TECRL: variants seen among roughly 807,000 people sequenced by gnomAD.
TECRL encodes trans-2,3-enoyl-CoA reductase-like.
A neutral mutation model predicts 52.8 loss-of-function variants in TECRL; 63 were observed. The observed-to-expected ratio is 1.19, with a 90% confidence interval of 0.97 to 1.47. The LOEUF (loss-of-function observed/expected upper bound fraction) is 1.47, where lower values mean the gene tolerates loss of function less well. Among genes scored for constraint, TECRL ranks in the 40% most tolerant of loss-of-function variants. The pLI is 0.00. For synonymous variants in TECRL, 164 were observed against 141.9 expected, an observed-to-expected ratio of 1.16 and a Z score of -1.10; for missense variants, 482 against 429.6, an observed-to-expected ratio of 1.12 and a Z score of -1.08.
chr4:64,313,776 G>A (rs886276116), intron 5 of TECRL, among the ~76,000 whole-genome samples: 1 of 149,922 alleles, frequency 6.7e-6, no homozygotes, highest in Non-Finnish European at 1.5e-5. Flanking sequence ...CCACCAGCAC[G>A]GCTGCCTTAC....
chr4:64,298,951 T>A (rs1376150037), intron 8 of TECRL: 1 of 151,186 alleles, frequency 6.6e-6, no homozygotes, highest in East Asian at 1.9e-4. Context: ...AATCACAGAA[T>A]TCCTCTCCTT....
At chr4:64,390,990 T>C (rs1271965473) in intron 1 of TECRL, among the ~76,000 whole-genome samples, 3 of 151,888 alleles carry the variant, frequency 2.0e-5, no homozygotes, top group Non-Finnish European at 4.4e-5. Context: ...CAATTATTTC[T>C]GCATCATTGG....
chr4:64,296,621 G>T (rs1285121252), intron 8 of TECRL, among the ~76,000 whole-genome samples: 1 of 151,690 alleles, frequency 6.6e-6, no homozygotes, highest in Admixed American at 6.6e-5. Context: ...CAAAGAATTG[G>T]CAAACTTTAA....
In TECRL at chr4:64,283,404, G is replaced by A. The variant is rs1722927108; in HGVS notation, c.833-1845C>T. Among the ~76,000 whole-genome samples the A allele has an allele frequency of 2.0e-5, 3 of 152,196 alleles. No individual in the cohort carries two copies. In the South Asian group the frequency reaches 6.2e-4, roughly 32 times the overall value. ...AGTTGAATGACTTACCAAAAGGCCT[G>A]CAATGAGTACTCCATAGCTGATGGT... On this transcript the variant is annotated intron_variant, in intron 9 of 11. Transcript: ENST00000381210.
chr4:64,388,359 T>C (rs1723321137), intron 1 of TECRL, among the ~76,000 whole-genome samples: 1 of 151,902 alleles, frequency 6.6e-6, no homozygotes, highest in African/African-American at 2.4e-5. Context: ...TTGTGGGTTT[T>C]CAATTCTGTA....
At chr4:64,337,976 C>A (rs1441357162) in intron 2 of TECRL, among the ~76,000 whole-genome samples, 2 of 152,142 alleles carry the variant, frequency 1.3e-5, no homozygotes, top group African/African-American at 4.8e-5. Context: ...ATTGCCAAGA[C>A]AATCCTAAGC....
At chr4:64,371,509 G>A (rs1028234556) in intron 2 of TECRL, among the ~76,000 whole-genome samples, 1 of 151,198 alleles carries the variant, frequency 6.6e-6, no homozygotes, top group Non-Finnish European at 1.5e-5. Flanking sequence ...ACAATAATTC[G>A]TGCTGCAGTT....
At chr4:64,375,108 A>C (rs1323606840) in intron 2 of TECRL, 64 bp downstream of exon 2, 10 of 863,246 alleles carry the variant, frequency 1.2e-5, no homozygotes, top group Non-Finnish European at 1.7e-5. Context: ...ACTTATAGAA[A>C]AATTTAAACC....
chr4:64,384,055 G>A (rs1423196097), intron 1 of TECRL, among the ~76,000 whole-genome samples: 1 of 152,174 alleles, frequency 6.6e-6, no homozygotes, highest in Non-Finnish European at 1.5e-5. Flanking sequence ...GGTGAAGGCT[G>A]TGGTGAGGCT....
chr4:64,297,922 C>A (rs1008947920), intron 8 of TECRL, among the ~76,000 whole-genome samples: 1 of 151,008 alleles, frequency 6.6e-6, no homozygotes, highest in African/African-American at 2.4e-5. Flanking sequence ...TCAGGACTAA[C>A]AGGTCTTCTT....
rs777171822 is a variant in TECRL, at chr4:64,345,907, C to CAAAA, written c.287-17355_287-17352dup. On this transcript the variant is annotated intron_variant, in intron 2 of 11. Transcript: ENST00000381210. ...CCAACACTGATGGGTGCCTCAACAG[C>CAAAA]AAAAAAAAAAAAAAAAAAAAAAAAC... 3.0e-4 allele frequency among the ~76,000 whole-genome samples: 7 copies of CAAAA among 23,348 alleles called. 2 individuals carry two copies. The highest frequency in any genetic ancestry group is 9.0e-4 in the Admixed American group (1 of 1,114). The allele number at this position is 23,348 out of a possible 152,430, so 15.3% of individuals were successfully genotyped here. A position where few individuals can be genotyped will look rare whatever the true frequency, so the allele number is the denominator to read the frequency against.
chr4:64,359,989 T>C (rs1453971747), intron 2 of TECRL, among the ~76,000 whole-genome samples: 1 of 152,192 alleles, frequency 6.6e-6, no homozygotes, highest in African/African-American at 2.4e-5. Flanking sequence ...AAAGACCTTT[T>C]AGTGAAACTG....
At chr4:64,387,603 A>C (rs1227571218) in intron 1 of TECRL, among the ~76,000 whole-genome samples, 1 of 152,062 alleles carries the variant, frequency 6.6e-6, no homozygotes, top group African/African-American at 2.4e-5. Context: ...GTTTTTCTAT[A>C]AGGTTCACAG....
chr4:64,356,720 C>CCG (rs10654817), intron 2 of TECRL, among the ~76,000 whole-genome samples: 137,434 of 151,886 alleles, frequency 0.9, 62,686 homozygotes, highest in East Asian at 1. Context: ...GAGACCAATG[C>CCG]GTTAGCAGGT....
intron 7 of TECRL, among the ~76,000 whole-genome samples, chr4:64,304,146 T>G (rs1232764470): frequency 6.6e-6 from 1 of 151,958 alleles, no homozygotes; most frequent in African/African-American, 2.4e-5. Flanking sequence ...GAAGCATTTT[T>G]CAGAAGTGTA....
At chr4:64,346,064 C>T (rs1317346846) in intron 2 of TECRL, among the ~76,000 whole-genome samples, 1 of 152,004 alleles carries the variant, frequency 6.6e-6, no homozygotes, top group African/African-American at 2.4e-5. Flanking sequence ...TTAAAACATT[C>T]TTTCCAGACA....
At chr4:64,365,046 T>C (rs372516782) in intron 2 of TECRL, among the ~76,000 whole-genome samples, 181 of 151,820 alleles carry the variant, frequency 1.2e-3, no homozygotes, top group African/African-American at 4.2e-3. Context: ...ACATCAGAAT[T>C]GGCCATAATA....
chr4:64,375,815 ACT>A (rs944389489), intron 1 of TECRL, among the ~76,000 whole-genome samples: 44 of 151,816 alleles, frequency 2.9e-4, no homozygotes, highest in East Asian at 1.2e-3. Context: ...ACTAAAACAA[ACT>A]CTATAAATTA....
At chr4:64,401,285 T>C (rs1724343120) in intron 1 of TECRL, among the ~76,000 whole-genome samples, 1 of 152,212 alleles carries the variant, frequency 6.6e-6, no homozygotes, top group Admixed American at 6.5e-5. Context: ...CAGTTTGCTC[T>C]GTTTTGAAGT....
Sources: allele counts gnomAD v4.1 joint callset (sites outside exome capture counted in the v4.1 genomes callset), GRCh38; gene constraint gnomAD v4.1.1; transcripts MANE v1.5; gene names NCBI Gene and HGNC (gene_info 2026-07-23, HGNC 2026-07-21).